The following SLC2A5 variants were observed in gnomAD, a reference collection of about 807,000 sequenced individuals.
SLC2A5 encodes solute carrier family 2, facilitated glucose transporter member 5.
A neutral mutation model predicts 50.3 loss-of-function variants in SLC2A5; 56 were observed. The ratio of observed to expected loss-of-function variants is 1.11; its 90% CI spans 0.90 to 1.39. The LOEUF (loss-of-function observed/expected upper bound fraction) is 1.39, where lower values mean the gene tolerates loss of function less well. SLC2A5 is among the 40% of genes most tolerant of loss of function. The pLI is 0.00. For missense variants in SLC2A5, 566 were observed against 650.1 expected, an observed-to-expected ratio of 0.87 and a Z score of 1.41; for synonymous variants, 269 against 281.9, an observed-to-expected ratio of 0.95 and a Z score of 0.46.
At chr1:9,038,539 C>G (rs1228531326) in intron 9 of SLC2A5, 33 bp from the exon 10 acceptor site, 2 of 1,582,874 alleles carry the variant, frequency 1.3e-6, no homozygotes, top group African/African-American at 2.7e-5. Flanking sequence ...TCACCTGGAG[C>G]AGACAAGCTA....
chr1:9,051,282 AAAC>A (rs1641570857), intron 3 of SLC2A5, among the ~76,000 whole-genome samples: 1 of 147,514 alleles, frequency 6.8e-6, no homozygotes, highest in Non-Finnish European at 1.5e-5. Context: ...AGAAAGAAAG[AAAC>A]AAACAAACAA....
chr1:9,039,460 G>T, intron 8 of SLC2A5, 92 bp downstream of exon 8: 1 of 907,562 alleles, frequency 1.1e-6, no homozygotes, highest in Non-Finnish European at 1.6e-6. Flanking sequence ...ACGTTTTGGG[G>T]CCACGGGCTG....
chr1:9,091,528 T>C (rs541040272), upstream of SLC2A5, among the ~76,000 whole-genome samples: 1 of 152,222 alleles, frequency 6.6e-6, no homozygotes, highest in South Asian at 2.1e-4. Context: ...AGCCATAAGG[T>C]GCTCATCTCC....
intron 2 of SLC2A5, among the ~76,000 whole-genome samples, chr1:9,081,271 A>C (rs1642347966): frequency 6.9e-6 from 1 of 145,328 alleles, no homozygotes; most frequent in Non-Finnish European, 1.5e-5. Flanking sequence ...GAAAAAAAAA[A>C]AAAAAAAACC....
At chr1:9,093,482 C>A in the SLC2A5 span, among the ~76,000 whole-genome samples, 1 of 152,186 alleles carries the variant, frequency 6.6e-6, no homozygotes, top group Non-Finnish European at 1.5e-5. Context: ...CCCAAACTTT[C>A]ATCACTTCCT....
At chr1:9,089,634 C>T (rs1642441828), upstream of SLC2A5, among the ~76,000 whole-genome samples, 1 of 152,224 alleles carries the variant, frequency 6.6e-6, no homozygotes, top group Non-Finnish European at 1.5e-5. Context: ...GGAAACTCCC[C>T]CACCTCTCTG....
Position 9,069,562 on chromosome 1 carries a change from G to T in SLC2A5, c.-26C>A. ...GCTTGCTCTGGAAGGGCAGAGTGCC[G>T]CTCACCTCCTTTTAGCCAAAGTAAC... On this transcript the variant is annotated 5_prime_UTR_variant, in exon 1 of 12. Coordinates refer to ENST00000377424, the MANE Select transcript of SLC2A5 (RefSeq NM_003039.3). 6.2e-7 allele frequency: 1 copy of T among 1,613,510 alleles called. No individual in the cohort carries two copies. The highest frequency in any genetic ancestry group is 1.1e-5 in the South Asian group (1 of 90,992).
chr1:9,060,487 ACC>A (rs549915573), intron 1 of SLC2A5, among the ~76,000 whole-genome samples: 2 of 84,672 alleles, frequency 2.4e-5, no homozygotes, highest in Non-Finnish European at 5.0e-5. Flanking sequence ...CCCATACCCC[ACC>A]CCCCCACATA....
At position 9,067,776 on chromosome 1, in the gene SLC2A5, G is replaced by C. The variant is rs564156030; in HGVS notation, c.33+1728C>G. Reference sequence around the variant, plus strand: ...CTACTGCGTCTAGAAGGTAGAGCCAGGGACGCGGCTAAACATCTTATAACA... The same window carrying C: ...CTACTGCGTCTAGAAGGTAGAGCCACGGACGCGGCTAAACATCTTATAACA... On this transcript the variant is annotated intron_variant, in intron 1 of 11. Coordinates refer to ENST00000377424, the MANE Select transcript of SLC2A5 (RefSeq NM_003039.3). Among the ~76,000 whole-genome samples, 37 of 152,286 alleles carry C rather than the reference G, an allele frequency of 2.4e-4. 1 individual carries two copies. The South Asian group carries it at 7.0e-3, about 29-fold the overall frequency.
Position 9,039,532 on chromosome 1 carries a change from G to T in SLC2A5, c.996+20C>A. ...GAGGGGCCTTGGGTGGAGGCTGTGG[G>T]CAGCTCCCAGGACACTCACGGCGCA... On this transcript the variant is annotated intron_variant, in intron 8 of 11. Coordinates refer to ENST00000377424, the MANE Select transcript of SLC2A5 (RefSeq NM_003039.3). The T allele has an allele frequency of 6.5e-7, 1 of 1,531,186 alleles. No homozygotes were observed. The highest frequency in any genetic ancestry group is 8.8e-7 in the Non-Finnish European group (1 of 1,131,852). The allele number at this position is 1,531,186 out of a possible 1,614,324, so 94.8% of individuals were successfully genotyped here.
At chr1:9,042,201 C>T (rs1294347790) in intron 4 of SLC2A5, among the ~76,000 whole-genome samples, 22 of 152,254 alleles carry the variant, frequency 1.4e-4, no homozygotes, top group Non-Finnish European at 3.1e-4. Context: ...ACGGCCTTCC[C>T]GCTCCCTGGC....
intron 5 of SLC2A5, 26 bp downstream of exon 5, chr1:9,041,759 G>A (rs1641309119): frequency 1.2e-6 from 2 of 1,613,896 alleles, no homozygotes; most frequent in Admixed American, 1.7e-5. Flanking sequence ...AGGGGTGGGG[G>A]TGCTCCCGAG....
At chr1:9,054,952 G>C (rs1334535827) in intron 3 of SLC2A5, among the ~76,000 whole-genome samples, 4 of 152,124 alleles carry the variant, frequency 2.6e-5, no homozygotes, top group Admixed American at 6.5e-5. Context: ...TGTTTGCTTT[G>C]TAAGTGTCCT....
At chr1:9,066,903 C>T (rs1260994461) in intron 1 of SLC2A5, among the ~76,000 whole-genome samples, 2 of 151,558 alleles carry the variant, frequency 1.3e-5, no homozygotes, top group Non-Finnish European at 2.9e-5. Context: ...GCTGGAGCCC[C>T]GGACTTCAAG....
At chr1:9,055,654 C>T (rs1351348350) in intron 3 of SLC2A5, among the ~76,000 whole-genome samples, 1 of 151,882 alleles carries the variant, frequency 6.6e-6, no homozygotes, top group East Asian at 2.0e-4. Context: ...AGTGTTTCAC[C>T]TCTGTCATCT....
intron 2 of SLC2A5, chr1:9,082,729 C>A: frequency 2.9e-6 from 1 of 344,164 alleles, no homozygotes. Flanking sequence ...GTTTTTGAAC[C>A]TGCCCAGTTG....
intron 1 of SLC2A5, among the ~76,000 whole-genome samples, chr1:9,060,044 C>T (rs75797283): frequency 0.037 from 5,516 of 147,170 alleles, 191 homozygotes; most frequent in African/African-American, 0.087. Context: ...ATACAGTACA[C>T]ACACACCACA....
intron 1 of SLC2A5, among the ~76,000 whole-genome samples, chr1:9,059,954 C>A (rs1368579283): frequency 6.6e-6 from 1 of 150,816 alleles, no homozygotes; most frequent in Non-Finnish European, 1.5e-5. Context: ...GCAGCACCTG[C>A]AAGGAGCCCT....
At chr1:9,062,808 G>A (rs1253468806) in intron 1 of SLC2A5, among the ~76,000 whole-genome samples, 1 of 152,096 alleles carries the variant, frequency 6.6e-6, no homozygotes, top group Non-Finnish European at 1.5e-5. Context: ...GGAGATGGAG[G>A]TTGCAGTGAG....
Sources: allele counts gnomAD v4.1 joint callset (sites outside exome capture counted in the v4.1 genomes callset), GRCh38; gene constraint gnomAD v4.1.1; transcripts MANE v1.5; gene names NCBI Gene and HGNC (gene_info 2026-07-23, HGNC 2026-07-21).